The following FAM13C variants were observed in gnomAD, a reference collection of about 807,000 sequenced individuals.
FAM13C encodes family with sequence similarity 13 member C, also known as protein FAM13C.
FAM13C carries 37 observed loss-of-function variants against 73.2 expected under a neutral mutation model. The observed-to-expected ratio is 0.51, with a 90% CI of 0.39 to 0.67. The LOEUF is 0.67. Among genes scored for constraint, FAM13C ranks in the 30% least tolerant of loss-of-function variants. The pLI is 0.00. For missense variants in FAM13C, 589 were observed against 715.6 expected (o/e 0.82, Z 2.02); for synonymous variants, 246 against 260.9 (o/e 0.94, Z 0.55).
chr10:59,282,060 C>G (rs1844982160), intron 6 of FAM13C: 1 of 152,158 alleles, frequency 6.6e-6, no homozygotes, highest in African/African-American at 2.4e-5. Flanking sequence ...TGCCACTCAT[C>G]CAAACATAAT....
intron 10 of FAM13C, among the ~76,000 whole-genome samples, chr10:59,257,937 A>T (rs1842104276): frequency 6.6e-6 from 1 of 152,204 alleles, no homozygotes; most frequent in Non-Finnish European, 1.5e-5. Flanking sequence ...TTTTATAAGT[A>T]AATGTTTCTG....
intron 10 of FAM13C, among the ~76,000 whole-genome samples, chr10:59,262,144 A>T (rs544331091): frequency 6.6e-6 from 1 of 152,080 alleles, no homozygotes; most frequent in Non-Finnish European, 1.5e-5. Flanking sequence ...TTCATTTGCT[A>T]ATTTGCAGGT....
At chr10:59,334,651 C>T (rs1336527263) in intron 3 of FAM13C, among the ~76,000 whole-genome samples, 1 of 150,842 alleles carries the variant, frequency 6.6e-6, no homozygotes, top group Non-Finnish European at 1.5e-5. Context: ...AGCAAACTAT[C>T]GCAAGGACAA....
chr10:59,324,316 A>C (rs1345928499), intron 3 of FAM13C, among the ~76,000 whole-genome samples: 1 of 152,198 alleles, frequency 6.6e-6, no homozygotes, highest in East Asian at 1.9e-4. Context: ...AAAGACAAAA[A>C]TCATAATAAT....
intron 3 of FAM13C, among the ~76,000 whole-genome samples, chr10:59,347,557 T>C (rs959599875): frequency 3.9e-5 from 6 of 152,110 alleles, no homozygotes; most frequent in African/African-American, 1.4e-4. Flanking sequence ...CTTTAAGTTC[T>C]GGGGTACACG....
intron 4 of FAM13C, among the ~76,000 whole-genome samples, chr10:59,321,153 CTG>C (rs1483178965): frequency 6.6e-6 from 1 of 152,110 alleles, no homozygotes; most frequent in Non-Finnish European, 1.5e-5. Flanking sequence ...ACAAAAAGGA[CTG>C]TGAAAATGTA....
rs543618673 is a variant in FAM13C, at chr10:59,348,487, A to G, written c.324+3783T>C. Among the ~76,000 whole-genome samples, 3 of 152,330 alleles carry G rather than the reference A, an allele frequency of 2.0e-5. No homozygotes were observed. The East Asian group carries it at 5.8e-4, about 29-fold the overall frequency. On this transcript the variant is annotated intron_variant, in intron 3 of 13. Transcript: ENST00000618804. The stretch of plus-strand genomic sequence containing the variant: ...TGCCTGATATTAGAGAATGACACTG[A>G]GCAGTGATAACTGTAGTTATTATTT...
chr10:59,299,427 C>T (rs895646266), intron 5 of FAM13C, among the ~76,000 whole-genome samples: 11 of 150,956 alleles, frequency 7.3e-5, no homozygotes, highest in African/African-American at 2.2e-4. Flanking sequence ...TTTTAGTTTA[C>T]AAAGGAAACT....
chr10:59,343,271 C>T (rs1486367573), intron 3 of FAM13C, among the ~76,000 whole-genome samples: 1 of 152,212 alleles, frequency 6.6e-6, no homozygotes, highest in African/African-American at 2.4e-5. Flanking sequence ...TACAAAACTT[C>T]AGTTCCTGTT....
chr10:59,266,599 C>A (rs1403431210), intron 8 of FAM13C, among the ~76,000 whole-genome samples: 1 of 152,190 alleles, frequency 6.6e-6, no homozygotes, highest in Non-Finnish European at 1.5e-5. Flanking sequence ...GACACTGAAG[C>A]AGCGGTGACC....
At chr10:59,324,893 A>C (rs990832541) in intron 3 of FAM13C, among the ~76,000 whole-genome samples, 3 of 150,902 alleles carry the variant, frequency 2.0e-5, no homozygotes, top group African/African-American at 7.5e-5. Flanking sequence ...CAGAATAAAC[A>C]CAATAAACAC....
intron 1 of FAM13C, among the ~76,000 whole-genome samples, chr10:59,360,853 GAAAAA>G (rs10615623): frequency 1.7e-5 from 1 of 57,992 alleles, no homozygotes; most frequent in Non-Finnish European, 3.9e-5. Flanking sequence ...AACCTCTACA[GAAAAA>G]AAAAAAAAAA....
chr10:59,361,154 A>G, intron 1 of FAM13C: 1 of 1,236,902 alleles, frequency 8.1e-7, no homozygotes, highest in South Asian at 1.3e-5. Flanking sequence ...AAGCAATCTT[A>G]TAAACAGAAT....
intron 4 of FAM13C, among the ~76,000 whole-genome samples, chr10:59,316,033 G>A (rs1432846228): frequency 1.6e-5 from 2 of 124,262 alleles, no homozygotes; most frequent in African/African-American, 3.3e-5. Context: ...AGGTTCAAGA[G>A]ATTCTCATGT....
At chr10:59,355,360 C>A (rs948616805) in intron 2 of FAM13C, among the ~76,000 whole-genome samples, 5 of 152,138 alleles carry the variant, frequency 3.3e-5, no homozygotes, top group African/African-American at 1.2e-4. Flanking sequence ...GCTACGTTAT[C>A]TTGGATGAGC....
chr10:59,249,359 G>A (rs1225326195), intron 13 of FAM13C, among the ~76,000 whole-genome samples: 5 of 142,676 alleles, frequency 3.5e-5, no homozygotes, highest in African/African-American at 1.3e-4. Context: ...AGCCGAGATC[G>A]CGTCACTGCA....
At chr10:59,304,818 G>C (rs1273107321) in intron 4 of FAM13C, among the ~76,000 whole-genome samples, 5 of 66,636 alleles carry the variant, frequency 7.5e-5, no homozygotes, top group Non-Finnish European at 1.4e-4. Flanking sequence ...GGGAAGGAAA[G>C]GGGAAGGGGA....
intron 4 of FAM13C, among the ~76,000 whole-genome samples, chr10:59,318,398 T>C (rs578052652): frequency 1.5e-4 from 23 of 152,258 alleles, no homozygotes; most frequent in African/African-American, 4.6e-4. Context: ...GGGGAATTAT[T>C]TTTATCTGTA....
intron 5 of FAM13C, among the ~76,000 whole-genome samples, chr10:59,289,766 T>TC (rs1450582753): frequency 2.0e-5 from 3 of 152,150 alleles, no homozygotes; most frequent in East Asian, 3.9e-4. Flanking sequence ...AACATGCTTT[T>TC]CCCTCTACAG....
Sources: gnomAD v4.1 joint callset for allele counts (sites outside exome capture counted in the v4.1 genomes callset) on GRCh38, gnomAD v4.1.1 for gene constraint, MANE v1.5 for transcripts, NCBI Gene and HGNC (gene_info 2026-07-23, HGNC 2026-07-21) for gene names.